DENND6A: variants seen among roughly 807,000 people sequenced by gnomAD.
DENND6A encodes the protein DENN domain containing 6A.
In DENND6A, 43 loss-of-function variants were observed where a neutral mutation model predicts 95.5. That is an observed-to-expected ratio of 0.45 (90% CI 0.35 to 0.58). DENND6A has a LOEUF of 0.58. Among genes scored for constraint, DENND6A ranks in the 20% least tolerant of loss-of-function variants. The pLI is 0.00. For synonymous variants in DENND6A, 257 were observed against 260.4 expected (o/e 0.99, Z 0.13); for missense variants, 574 against 736.0 (o/e 0.78, Z 2.55).
chr3:57,665,773 T>A (rs1337214560), intron 4 of DENND6A, among the ~76,000 whole-genome samples: 1 of 152,164 alleles, frequency 6.6e-6, no homozygotes, highest in Non-Finnish European at 1.5e-5. Flanking sequence ...AAGAGACAAC[T>A]ATGTTATCAA....
chr3:57,677,397 A>G (rs2071728656), intron 1 of DENND6A, among the ~76,000 whole-genome samples: 1 of 138,442 alleles, frequency 7.2e-6, no homozygotes, highest in Non-Finnish European at 1.6e-5. Flanking sequence ...TTCTTATGCC[A>G]GTTTGGGCTA....
chr3:57,670,645 C>A (rs529136804), intron 3 of DENND6A, among the ~76,000 whole-genome samples: 1 of 152,304 alleles, frequency 6.6e-6, no homozygotes, highest in African/African-American at 2.4e-5. Context: ...CTTTTTGCAT[C>A]TGCTGTTTCT....
Position 57,630,229 on chromosome 3 carries a change from T to A in DENND6A, c.1620+192A>T, listed in dbSNP as rs936215894. The A allele has an allele frequency of 8.2e-6, 4 of 486,162 alleles. No homozygotes were observed. In the South Asian group the frequency reaches 1.3e-4, roughly 16 times the overall value. The allele number at this position is 486,162 out of a possible 1,614,324, so 30.1% of individuals were successfully genotyped here. On this transcript the variant is annotated intron_variant, in intron 18 of 19. Transcript: ENST00000311128. ...ATAACACACCTACCTCAAAGAATCA[T>A]TGTAAAGATTAAAAGAGATTATCTA...
intron 19 of DENND6A, among the ~76,000 whole-genome samples, 174 bp downstream of exon 19, chr3:57,628,637 T>C (rs867249715): frequency 1.3e-5 from 2 of 152,250 alleles, no homozygotes; most frequent in Admixed American, 6.5e-5. Context: ...GGCATCATTA[T>C]GGTCTGTTTC....
At chr3:57,673,227 A>G (rs1559827179) in intron 1 of DENND6A, among the ~76,000 whole-genome samples, 2 of 150,696 alleles carry the variant, frequency 1.3e-5, no homozygotes, top group African/African-American at 4.9e-5. Context: ...AAAAAAAAAA[A>G]AAAAAGAAAG....
chr3:57,661,503 C>T lies in DENND6A; in HGVS notation c.562G>A (p.Val188Met), dbSNP rs1270076241. Residue 188 changes from valine (V) to methionine (M), a missense_variant, in exon 6 of 20, where the codon GTG (valine) becomes ATG (methionine). Coordinates refer to ENST00000311128, the MANE Select transcript of DENND6A (RefSeq NM_152678.3). The stretch of plus-strand genomic sequence containing the variant: ...TACTCTGGTGCTATCTGTTTGAGCA[C>T]AGTGTGAAAAAAATGAATATAAGGT... The part of the protein sequence containing the change: ...KLPYIHFFHT[V>M]LKQIAPEYFE... 6.3e-7 allele frequency: 1 copy of T among 1,582,186 alleles called. No individual in the cohort carries two copies. Among genetic ancestry groups the T allele is most frequent in the Non-Finnish European group, 8.5e-7 (1 of 1,172,886 alleles).
intron 4 of DENND6A, among the ~76,000 whole-genome samples, chr3:57,663,977 C>G (rs2071485289): frequency 1.3e-5 from 2 of 152,010 alleles, no homozygotes; most frequent in Non-Finnish European, 2.9e-5. Context: ...ACAAAAAAAC[C>G]CTCCTAACTT....
At chr3:57,686,931 A>T (rs2077216573) in intron 1 of DENND6A, among the ~76,000 whole-genome samples, 1 of 152,212 alleles carries the variant, frequency 6.6e-6, no homozygotes, top group African/African-American at 2.4e-5. Context: ...ATTTAAGTTT[A>T]ATGAGGAAAG....
intron 14 of DENND6A, 137 bp from the exon 15 acceptor site, chr3:57,633,491 T>G (rs1575813674): frequency 1.4e-6 from 1 of 727,116 alleles, no homozygotes; most frequent in East Asian, 2.7e-5. Context: ...TTGAAGTAAT[T>G]TAATGTGAAG....
chr3:57,686,286 C>T (rs2077211001), intron 1 of DENND6A, among the ~76,000 whole-genome samples: 1 of 152,108 alleles, frequency 6.6e-6, no homozygotes, highest in Non-Finnish European at 1.5e-5. Flanking sequence ...TCAAACAGCT[C>T]AAAGTTACTA....
intron 4 of DENND6A, among the ~76,000 whole-genome samples, chr3:57,665,708 T>A (rs1227882951): frequency 2.0e-5 from 3 of 152,128 alleles, no homozygotes; most frequent in African/African-American, 7.2e-5. Context: ...TCATCTGAAT[T>A]ATTAAAATGT....
intron 3 of DENND6A, among the ~76,000 whole-genome samples, chr3:57,670,222 T>C (rs2071593923): frequency 6.6e-6 from 1 of 152,120 alleles, no homozygotes; most frequent in African/African-American, 2.4e-5. Flanking sequence ...GTTCACTAAC[T>C]GGGGCCTGTG....
rs1487058562 is a variant in DENND6A at position 57,628,023 on chromosome 3, C to G, written c.*191G>C. The stretch of plus-strand genomic sequence containing the variant: ...TTTCAGTATTAAAGTGGAACCACCA[C>G]AGATATCCACTTTAAAAAGTAATGC... On this transcript the variant is annotated 3_prime_UTR_variant, in exon 20 of 20. Transcript: ENST00000311128. 3.0e-6 allele frequency: 2 copies of G among 667,030 alleles called. No homozygotes were observed. The highest frequency in any genetic ancestry group is 7.3e-5 in the Admixed American group (2 of 27,536). 41.3% of individuals were successfully genotyped at this position (667,030 alleles called of 1,614,324 possible).
intron 4 of DENND6A, among the ~76,000 whole-genome samples, chr3:57,664,790 G>A (rs531454942): frequency 4.6e-5 from 7 of 152,204 alleles, no homozygotes; most frequent in African/African-American, 1.7e-4. Context: ...CTGAGATCAC[G>A]CCACTGCACT....
rs68096897 is a variant in DENND6A at position 57,690,047 on chromosome 3, GAA to G, written c.237+2733_237+2734del. On this transcript the variant is annotated intron_variant, in intron 1 of 19. Coordinates refer to ENST00000311128, the MANE Select transcript of DENND6A (RefSeq NM_152678.3). ...ATCTGAGGCAGACCATGTCTCTAAG[GAA>G]AAAAAAAAAAAAAAGTCAGGTGCGG... 2.2e-3 allele frequency among the ~76,000 whole-genome samples: 302 copies of G among 137,726 alleles called. 1 individual carries two copies. Among genetic ancestry groups the G allele is most frequent in the Middle Eastern group, 3.7e-3 (1 of 272 alleles). The allele number at this position is 137,726 out of a possible 152,430, so 90.4% of individuals were successfully genotyped here.
rs1295517763 is a variant in DENND6A at position 57,661,505 on chromosome 3, G to A, written c.560C>T (p.Thr187Ile). ...CTCTGGTGCTATCTGTTTGAGCACA[G>A]TGTGAAAAAAATGAATATAAGGTAG... ...SKLPYIHFFH[T>I]VLKQIAPEYF... Residue 187 changes from threonine to isoleucine, a missense_variant, in exon 6 of 20, where the codon ACT (threonine) becomes ATT (isoleucine). Physicochemically the swap from Thr to Ile is moderately conservative, Grantham distance 89 (BLOSUM62 -1). Around this residue, in one of 2 missense-constraint regions of DENND6A, gnomAD observed 452 missense variants for 630.9 expected, o/e 0.72. Transcript: ENST00000311128. 7.6e-6 allele frequency: 12 copies of A among 1,582,038 alleles called. No homozygotes were observed. Among genetic ancestry groups the A allele is most frequent in the Non-Finnish European group, 1.0e-5 (12 of 1,172,796 alleles).
intron 1 of DENND6A, among the ~76,000 whole-genome samples, chr3:57,678,174 C>T (rs2077126101): frequency 6.6e-6 from 1 of 152,190 alleles, no homozygotes; most frequent in Non-Finnish European, 1.5e-5. Flanking sequence ...AGGATAATTT[C>T]TCCTGATACT....
chr3:57,629,740 T>C (rs2070623689), intron 18 of DENND6A, among the ~76,000 whole-genome samples: 3 of 151,006 alleles, frequency 2.0e-5, no homozygotes, highest in South Asian at 4.2e-4. Context: ...GCCAGGATGG[T>C]CTCCATCTCC....
intron 7 of DENND6A, among the ~76,000 whole-genome samples, chr3:57,659,745 T>C (rs2071389300): frequency 6.6e-6 from 1 of 152,232 alleles, no homozygotes; most frequent in East Asian, 1.9e-4. Context: ...CTAATTCATT[T>C]AAAAGAAAAA....
Sources: gnomAD v4.1 joint callset for allele counts (sites outside exome capture counted in the v4.1 genomes callset) on GRCh38, gnomAD v4.1.1 for gene constraint, gnomAD v4.1.1 regional missense constraint, MANE v1.5 for transcripts, NCBI Gene and HGNC (gene_info 2026-07-23, HGNC 2026-07-21) for gene names.